The following MTHFD2L variants were observed in gnomAD, a reference collection of about 807,000 sequenced individuals.
MTHFD2L encodes methylenetetrahydrofolate dehydrogenase (NADP+ dependent) 2 like, also known as bifunctional methylenetetrahydrofolate dehydrogenase/cyclohydrolase 2, mitochondrial.
Under a neutral mutation model 34.9 loss-of-function variants are expected in MTHFD2L, and 29 were observed. The observed-to-expected ratio is 0.83, with a 90% CI of 0.62 to 1.13. MTHFD2L has a LOEUF of 1.13. MTHFD2L is among the 50% of genes most tolerant of loss of function. The pLI, the probability that MTHFD2L is intolerant of heterozygous loss-of-function variation, is 0.00. For missense variants in MTHFD2L, 481 were observed against 446.5 expected (o/e 1.08, Z -0.70); for synonymous variants, 167 against 155.7 (o/e 1.07, Z -0.54).
chr4:74,193,877 C>A lies in MTHFD2L; in HGVS notation c.452-5917C>A, dbSNP rs148989859. Among the ~76,000 whole-genome samples, 150 of 152,206 alleles carry A rather than the reference C, an allele frequency of 9.9e-4. 1 individual carries two copies. In the East Asian group the frequency reaches 0.024, roughly 24 times the overall value. On this transcript the variant is annotated intron_variant, in intron 3 of 7. Transcript: ENST00000325278. ...CTGTGATCAGAGAATTTTACTTATT[C>A]TATTCTGATCTCTATGCCTCTTTAT...
chr4:74,293,536 A>G, intron 7 of MTHFD2L: 1 of 984,030 alleles, frequency 1.0e-6, no homozygotes, highest in Non-Finnish European at 1.2e-6. Context: ...ACTTGTGGAA[A>G]CCTCAAGATT....
intron 3 of MTHFD2L, among the ~76,000 whole-genome samples, chr4:74,176,507 T>C (rs964792456): frequency 6.6e-6 from 1 of 152,012 alleles, no homozygotes; most frequent in African/African-American, 2.4e-5. Flanking sequence ...TAAAATATCA[T>C]GTGGGTTTAT....
intron 1 of MTHFD2L, among the ~76,000 whole-genome samples, chr4:74,152,740 G>A (rs576767971): frequency 6.6e-6 from 1 of 151,984 alleles, no homozygotes; most frequent in Non-Finnish European, 1.5e-5. Context: ...TGTTCTGATC[G>A]TTCAACTCGC....
At chr4:74,158,424 A>T (rs1724655439) in intron 1 of MTHFD2L, 143 bp downstream of exon 1, 1 of 594,466 alleles carries the variant, frequency 1.7e-6, no homozygotes, top group South Asian at 7.2e-5. Flanking sequence ...CTTGTCTGTG[A>T]GGTGGCCTTG....
chr4:74,168,393 A>G (rs569061246), intron 1 of MTHFD2L, among the ~76,000 whole-genome samples: 2 of 152,308 alleles, frequency 1.3e-5, no homozygotes, highest in East Asian at 1.9e-4. Context: ...AGAAATCTAC[A>G]TGACTCATTT....
At position 74,136,449 on chromosome 4, in the gene MTHFD2L, T is replaced by C. The variant is rs1189503733; in HGVS notation, c.-297+10932T>C. On this transcript the variant is annotated intron_variant, in intron 1 of 7. Coordinates refer to the MTHFD2L transcript ENST00000433372. ...TGAAAGACCTACACAAGAAAAACTA[T>C]AAAACTCTGGTGAAAGAAATAGAAG... 2.6e-5 allele frequency among the ~76,000 whole-genome samples: 4 copies of C among 151,914 alleles called. No homozygotes were observed. The East Asian group carries it at 7.7e-4, about 29-fold the overall frequency.
rs527390055 is a variant in MTHFD2L at position 74,218,482 on chromosome 4, G to A, written c.713-6820G>A. Among the ~76,000 whole-genome samples the A allele has an allele frequency of 1.2e-4, 18 of 152,144 alleles. No individual in the cohort carries two copies. In the South Asian group the frequency reaches 1.9e-3, roughly 16 times the overall value. ...AAGTATATGCAAGTTTTGCAAGGGC[G>A]CGGCCAAGACACAACCAGAGAATCC... is the stretch of plus-strand genomic sequence containing the variant. On this transcript the variant is annotated intron_variant, in intron 5 of 7. Coordinates refer to ENST00000325278, the MANE Select transcript of MTHFD2L (RefSeq NM_001144978.3).
At chr4:74,147,295 C>T (rs1281975703) in intron 1 of MTHFD2L, among the ~76,000 whole-genome samples, 6 of 152,016 alleles carry the variant, frequency 3.9e-5, no homozygotes, top group Admixed American at 1.3e-4. Context: ...CTCTTTAAGC[C>T]CAGGTTCCCC....
chr4:74,220,811 T>C (rs1361501494), intron 5 of MTHFD2L, among the ~76,000 whole-genome samples: 2 of 151,452 alleles, frequency 1.3e-5, no homozygotes, highest in Non-Finnish European at 3.0e-5. Context: ...ATGTTTCTTA[T>C]TGTAGTCTGG....
intron 7 of MTHFD2L, among the ~76,000 whole-genome samples, chr4:74,288,837 A>T (rs1462889376): frequency 1.3e-5 from 2 of 152,226 alleles, no homozygotes; most frequent in African/African-American, 4.8e-5. Context: ...ACTGTTTATT[A>T]TTCAATCATT....
At chr4:74,164,539 C>T (rs1253157264) in intron 1 of MTHFD2L, among the ~76,000 whole-genome samples, 1 of 152,212 alleles carries the variant, frequency 6.6e-6, no homozygotes, top group Non-Finnish European at 1.5e-5. Context: ...CGAAATATGT[C>T]TCCATCTGTA....
At chr4:74,115,315 A>G (rs1009860058) in intron 2 of MTHFD2L, among the ~76,000 whole-genome samples, 3 of 152,222 alleles carry the variant, frequency 2.0e-5, no homozygotes, top group African/African-American at 7.2e-5. Context: ...TGTCATATCT[A>G]TTAGTTTGGA....
chr4:74,205,992 T>A (rs1159306018), intron 5 of MTHFD2L, among the ~76,000 whole-genome samples: 1 of 152,158 alleles, frequency 6.6e-6, no homozygotes. Flanking sequence ...CCACTAATTA[T>A]TAGAATGTTT....
intron 5 of MTHFD2L, among the ~76,000 whole-genome samples, chr4:74,206,637 G>A (rs1011062151): frequency 6.6e-6 from 1 of 151,864 alleles, no homozygotes; most frequent in Admixed American, 6.6e-5. Flanking sequence ...AAGTTAAGCT[G>A]CCCAGTTACA....
intron 3 of MTHFD2L, among the ~76,000 whole-genome samples, chr4:74,176,959 T>C (rs1387512707): frequency 2.0e-5 from 3 of 152,032 alleles, no homozygotes; most frequent in Non-Finnish European, 2.9e-5. Flanking sequence ...GCATATGTTA[T>C]AGCTTTTGTG....
At chr4:74,268,128 T>A in intron 6 of MTHFD2L, 1 of 984,456 alleles carries the variant, frequency 1.0e-6, no homozygotes, top group Non-Finnish European at 1.2e-6. Flanking sequence ...TTGTAAACAC[T>A]TTTTGAGGAT....
At chr4:74,277,959 G>T (rs980757727) in intron 6 of MTHFD2L, among the ~76,000 whole-genome samples, 1 of 151,998 alleles carries the variant, frequency 6.6e-6, no homozygotes, top group African/African-American at 2.4e-5. Context: ...TTATAGGTCT[G>T]CAAGAAGATA....
chr4:74,221,326 AT>A (rs1166740852), intron 5 of MTHFD2L, among the ~76,000 whole-genome samples: 1 of 151,724 alleles, frequency 6.6e-6, no homozygotes, highest in Non-Finnish European at 1.5e-5. Context: ...AGTTATTGAC[AT>A]TTTCTGTATC....
chr4:74,191,377 A>G (rs186490030), intron 3 of MTHFD2L, among the ~76,000 whole-genome samples: 14 of 146,484 alleles, frequency 9.6e-5, no homozygotes, highest in African/African-American at 3.2e-4. Flanking sequence ...TTTTTTTTTC[A>G]TGTCCAGAAA....
Sources: gnomAD v4.1 joint callset for allele counts (sites outside exome capture counted in the v4.1 genomes callset) on GRCh38, gnomAD v4.1.1 for gene constraint, MANE v1.5 for transcripts, NCBI Gene and HGNC (gene_info 2026-07-23, HGNC 2026-07-21) for gene names.